The following MARK4 variants were observed in gnomAD, a reference collection of about 807,000 sequenced individuals.
The protein encoded by MARK4 is MAP/microtubule affinity-regulating kinase 4.
In MARK4, 19 loss-of-function variants were observed where a neutral mutation model predicts 81.5. The ratio of observed to expected loss-of-function variants is 0.23; its 90% CI spans 0.16 to 0.34. MARK4 has a LOEUF of 0.34. Ranked by LOEUF, MARK4 falls within the 10% of genes least tolerant of loss-of-function variation. MARK4 has a pLI of 1.00. For synonymous variants in MARK4, 436 were observed against 439.0 expected (o/e 0.99, Z 0.08); for missense variants, 772 against 1,058.8 (o/e 0.73, Z 3.76).
At chr19:45,270,151 C>G (rs1466226115) in intron 7 of MARK4, among the ~76,000 whole-genome samples, 1 of 152,154 alleles carries the variant, frequency 6.6e-6, no homozygotes, top group Non-Finnish European at 1.5e-5. Context: ...TGATCACTGA[C>G]TGTGCTCTAG....
intron 7 of MARK4, among the ~76,000 whole-genome samples, chr19:45,270,059 C>G (rs910816264): frequency 7.2e-5 from 11 of 152,250 alleles, no homozygotes; most frequent in African/African-American, 2.4e-4. Context: ...AACTCCTGAC[C>G]TCAGGAGATC....
At chr19:45,273,713 G>A (rs1284010518) in intron 8 of MARK4, among the ~76,000 whole-genome samples, 2 of 152,202 alleles carry the variant, frequency 1.3e-5, no homozygotes, top group Non-Finnish European at 2.9e-5. Flanking sequence ...GATTGGAATC[G>A]GGGGTGCATT....
chr19:45,302,482 G>A lies in MARK4; in HGVS notation c.2031G>A (p.Leu677=). 1.9e-6 allele frequency: 3 copies of A among 1,611,136 alleles called. No individual in the cohort carries two copies. Among genetic ancestry groups the A allele is most frequent in the Non-Finnish European group, 1.7e-6 (2 of 1,179,704 alleles). ...CTCCTGAGGCCCTGATGGCAGCTCT[G>A]CGCCAGGCCACAGCAGCCGCCCGCT... ...SRPPEALMAA[L]RQATAAARCR... The change falls in exon 17 of 17, where the codon CTG becomes CTA. Residue 677 remains leucine (L), a synonymous_variant. Transcript: ENST00000262891. The surrounding 1 kb of genome is among the most constrained non-coding windows in gnomAD (Gnocchi z 4.9).
chr19:45,274,121 C>T (rs1336730873), intron 8 of MARK4, among the ~76,000 whole-genome samples: 6 of 152,076 alleles, frequency 3.9e-5, no homozygotes, highest in African/African-American at 1.2e-4. Context: ...TGGTGGCAGG[C>T]GCCTGTAGTC....
chr19:45,301,216 G>A (rs1016226171), intron 16 of MARK4, among the ~76,000 whole-genome samples: 1 of 151,902 alleles, frequency 6.6e-6, no homozygotes, highest in Non-Finnish European at 1.5e-5. Flanking sequence ...CCAGGAGGTC[G>A]AGGCTGCAGT....
chr19:45,298,093 C>T (rs372313570), intron 15 of MARK4, 139 bp downstream of exon 15: 38 of 1,590,734 alleles, frequency 2.4e-5, no homozygotes, highest in Non-Finnish European at 3.2e-5. Context: ...TCCTCCTCCT[C>T]CTCCTTTCCT....
At chr19:45,279,410 T>C (rs1970643367) in intron 10 of MARK4, among the ~76,000 whole-genome samples, 1 of 152,098 alleles carries the variant, frequency 6.6e-6, no homozygotes, top group African/African-American at 2.4e-5. Context: ...CCAGCTCCTC[T>C]GGAGGCTGAG....
chr19:45,302,477 G>A lies in MARK4; in HGVS notation c.2026G>A (p.Ala676Thr). 6.2e-7 allele frequency: 1 copy of A among 1,611,812 alleles called. No individual in the cohort carries two copies. Among genetic ancestry groups the A allele is most frequent in the Non-Finnish European group, 8.5e-7 (1 of 1,179,794 alleles). The part of the protein sequence containing the change: ...SSRPPEALMA[A>T]LRQATAAARC... ...GCGCCCTCCTGAGGCCCTGATGGCAGCTCTGCGCCAGGCCACAGCAGCCGC... is the reference window on the plus strand; with the variant it reads ...GCGCCCTCCTGAGGCCCTGATGGCAACTCTGCGCCAGGCCACAGCAGCCGC... Residue 676 changes from alanine (A) to threonine (T), a missense_variant, in exon 17 of 17, where the codon GCT becomes ACT. This residue lies in a region of MARK4 where 548 missense variants were observed against 624.3 expected (regional missense o/e 0.88). Transcript: ENST00000262891. The surrounding 1 kb of genome is among the most constrained non-coding windows in gnomAD (Gnocchi z 4.9).
intron 13 of MARK4, among the ~76,000 whole-genome samples, chr19:45,294,069 G>A (rs904515593): frequency 7.9e-5 from 12 of 152,104 alleles, no homozygotes; most frequent in Admixed American, 1.3e-4. Flanking sequence ...GGAGAAGAGC[G>A]GTGGACAAGG....
At chr19:45,277,221 G>A (rs1391068359) in intron 8 of MARK4, among the ~76,000 whole-genome samples, 2 of 151,752 alleles carry the variant, frequency 1.3e-5, no homozygotes, top group Non-Finnish European at 2.9e-5. Context: ...AGGACTACAG[G>A]CAGCCACCAC....
At chr19:45,290,626 C>T (rs1390388260) in intron 13 of MARK4, among the ~76,000 whole-genome samples, 1 of 152,224 alleles carries the variant, frequency 6.6e-6, no homozygotes, top group African/African-American at 2.4e-5. Flanking sequence ...GCTATTACCA[C>T]TTATGACCAG....
At chr19:45,263,624 C>T (rs1011299810) in intron 4 of MARK4, among the ~76,000 whole-genome samples, 1 of 151,964 alleles carries the variant, frequency 6.6e-6, no homozygotes, top group Non-Finnish European at 1.5e-5. Context: ...CGCCTGTAAT[C>T]CCAGCTACTC....
At chr19:45,284,729 G>A (rs896909082) in intron 12 of MARK4, among the ~76,000 whole-genome samples, 1 of 152,178 alleles carries the variant, frequency 6.6e-6, no homozygotes, top group Non-Finnish European at 1.5e-5. Flanking sequence ...GAATTGGGTG[G>A]ATCACTTGAG....
intron 15 of MARK4, among the ~76,000 whole-genome samples, chr19:45,298,575 A>G (rs903808116): frequency 6.6e-6 from 1 of 152,206 alleles, no homozygotes; most frequent in African/African-American, 2.4e-5. Context: ...TTACATGTGT[A>G]TTAGTTATTA....
At chr19:45,266,586 A>G (rs1970457002) in intron 7 of MARK4, among the ~76,000 whole-genome samples, 1 of 151,982 alleles carries the variant, frequency 6.6e-6, no homozygotes, top group Non-Finnish European at 1.5e-5. Flanking sequence ...ACGCTGGGAC[A>G]TGATAAGGGG....
chr19:45,271,333 C>G lies in MARK4; in HGVS notation c.550-139C>G, dbSNP rs1568494323. The G allele has an allele frequency of 1.3e-6, 1 of 757,744 alleles. No homozygotes were observed. 46.9% of individuals were successfully genotyped at this position (757,744 alleles called of 1,614,324 possible). A position where few individuals can be genotyped will look rare whatever the true frequency, so the allele number is the denominator to read the frequency against. ...GTGAGGTAAAGTTACTACCTAAGGTCAGGTAGAGAGTAAAGGACAGGCCCA... is the reference window on the plus strand; with the variant it reads ...GTGAGGTAAAGTTACTACCTAAGGTGAGGTAGAGAGTAAAGGACAGGCCCA... On this transcript the variant is annotated intron_variant, in intron 7 of 16. Transcript: ENST00000262891. This position sits in a 1 kb window ranked among gnomAD's most constrained non-coding sequence, Gnocchi z 4.1.
intron 14 of MARK4, among the ~76,000 whole-genome samples, chr19:45,295,114 C>G (rs1402684940): frequency 6.6e-6 from 1 of 151,702 alleles, no homozygotes; most frequent in Non-Finnish European, 1.5e-5. Flanking sequence ...CTTTGGGAGG[C>G]TGAGGCAGGT....
Position 45,300,919 on chromosome 19 carries a change from C to G in MARK4, c.1922+1064C>G, listed in dbSNP as rs146906745. 1.1e-3 allele frequency among the ~76,000 whole-genome samples: 174 copies of G among 152,162 alleles called. 1 individual carries two copies. The highest frequency in any genetic ancestry group is 6.8e-3 in the Middle Eastern group (2 of 294). ...TTGGCAGAGCTGAGTCGTGCTCACC[C>G]AAGCTGAGGGGCGGCCCCACCGGAA... On this transcript the variant is annotated intron_variant, in intron 16 of 16. Transcript: ENST00000262891.
In MARK4 at chr19:45,278,599, G is replaced by A; in HGVS notation, c.990G>A (p.Gly330=). The stretch of plus-strand genomic sequence containing the variant: ...ACACAGAGCCCGAGGAGGACTTCGG[G>A]GACACCAAGAGAATTGGTGAGGGTC... ...KPYTEPEEDF[G]DTKRIEVMVG... Residue 330 remains glycine, a synonymous_variant, in exon 10 of 17, where the codon GGG becomes GGA. Coordinates refer to ENST00000262891, the MANE Select transcript of MARK4 (RefSeq NM_001199867.2). The A allele has an allele frequency of 1.2e-6, 2 of 1,613,540 alleles. No individual in the cohort carries two copies. The highest frequency in any genetic ancestry group is 1.7e-5 in the Admixed American group (1 of 59,984).
Sources: gnomAD v4.1 joint callset for allele counts (sites outside exome capture counted in the v4.1 genomes callset) on GRCh38, gnomAD v4.1.1 for gene constraint, gnomAD v4.1.1 regional missense constraint, Gnocchi (gnomAD v3.1) non-coding constraint, MANE v1.5 for transcripts, NCBI Gene and HGNC (gene_info 2026-07-23, HGNC 2026-07-21) for gene names.